Variants in OR56A3 observed in about 807,000 individuals in gnomAD.
The protein encoded by OR56A3 is olfactory receptor 56A3.
A neutral mutation model predicts 17.5 loss-of-function variants in OR56A3; 23 were observed. That is an observed-to-expected ratio of 1.32 (90% CI 0.95 to 1.87). The LOEUF (loss-of-function observed/expected upper bound fraction) is 1.87. Among genes scored for constraint, OR56A3 ranks in the 40% most tolerant of loss-of-function variants. The probability of loss-of-function intolerance (pLI) is 0.00; values close to 1 mark genes in which losing one functional copy is unlikely to be tolerated. For missense variants in OR56A3, 366 were observed against 380.1 expected (o/e 0.96, Z 0.31); for synonymous variants, 175 against 150.6 (o/e 1.16, Z -1.19).
the OR56A3 span, among the ~76,000 whole-genome samples, chr11:5,961,752 TAAAAAA>T: frequency 7.4e-6 from 1 of 134,480 alleles, no homozygotes; most frequent in South Asian, 2.5e-4. Flanking sequence ...AATAAATACT[TAAAAAA>T]AAAAAAAAAA....
At chr11:6,001,231 T>G in the OR56A3 span, 1 of 152,210 alleles carries the variant, frequency 6.6e-6, no homozygotes, top group African/African-American at 2.4e-5. Context: ...GGATGGCTCA[T>G]TTGTGCCTAG....
the OR56A3 span, chr11:5,968,610 A>G: frequency 3.8e-6 from 3 of 791,556 alleles, no homozygotes; most frequent in African/African-American, 3.5e-5. Flanking sequence ...AATTTATAAA[A>G]TGTATGAGAT....
At chr11:5,986,059 T>C in the OR56A3 span, 1 of 1,613,936 alleles carries the variant, frequency 6.2e-7, no homozygotes, top group Non-Finnish European at 8.5e-7. Flanking sequence ...CAGAAGAACA[T>C]GGACATGATG....
chr11:5,986,164 A>G, the OR56A3 span: 5 of 1,613,866 alleles, frequency 3.1e-6, no homozygotes, highest in Middle Eastern at 1.7e-4. Context: ...ACATGTGCTA[A>G]ACGCCTTAAG....
At chr11:5,964,465 G>A in the OR56A3 span, among the ~76,000 whole-genome samples, 1 of 152,146 alleles carries the variant, frequency 6.6e-6, no homozygotes, top group South Asian at 2.1e-4. Flanking sequence ...AAGACCTGGG[G>A]GTACTCTAAG....
At position 5,951,121 on chromosome 11, in the gene OR56A3, T is replaced by C. The variant is rs1847905247; in HGVS notation, c.*2827T>C. On this transcript the variant is annotated 3_prime_UTR_variant, in exon 3 of 3. Coordinates refer to ENST00000641160, the MANE Select transcript of OR56A3 (RefSeq NM_001003443.3). ...GAGAAGATTTATTTTTAAAAGAAGT[T>C]TTAGTTACTGGGTTTTTAAGACATA... The C allele has an allele frequency of 6.6e-6, 1 of 152,104 alleles. No individual in the cohort carries two copies. Among genetic ancestry groups the C allele is most frequent in the Admixed American group, 6.6e-5 (1 of 15,266 alleles). 9.4% of individuals were successfully genotyped at this position (152,104 alleles called of 1,614,324 possible).
chr11:6,013,425 G>C, the OR56A3 span, among the ~76,000 whole-genome samples: 1 of 152,340 alleles, frequency 6.6e-6, no homozygotes, highest in East Asian at 1.9e-4. Context: ...ATGGGCCCCA[G>C]GCCCAGCTGT....
the OR56A3 span, chr11:5,995,043 G>A: frequency 2.4e-5 from 15 of 634,602 alleles, no homozygotes; most frequent in Admixed American, 1.6e-4. Context: ...CTGAGGCCCC[G>A]GCGCCTGCAT....
At chr11:5,976,285 T>C in the OR56A3 span, among the ~76,000 whole-genome samples, 183 of 144,442 alleles carry the variant, frequency 1.3e-3, no homozygotes, top group Non-Finnish European at 2.2e-3. Flanking sequence ...GAATAGGAAG[T>C]GAAGGGAAGA....
At chr11:6,002,559 G>A in the OR56A3 span, 2 of 1,614,240 alleles carry the variant, frequency 1.2e-6, no homozygotes, top group Non-Finnish European at 8.5e-7. Flanking sequence ...CACGGCCCTA[G>A]CCACAAACTG....
chr11:5,985,011 T>G, the OR56A3 span, among the ~76,000 whole-genome samples: 1,284 of 152,056 alleles, frequency 8.4e-3, 11 homozygotes, highest in African/African-American at 0.03. Context: ...ACCCAGTTCC[T>G]ATTAACAGAA....
chr11:6,004,697 T>A, the OR56A3 span, among the ~76,000 whole-genome samples: 1 of 152,190 alleles, frequency 6.6e-6, no homozygotes, highest in Non-Finnish European at 1.5e-5. Flanking sequence ...TTTCAATATC[T>A]GATTAGGAAA....
At chr11:5,972,780 C>T in the OR56A3 span, among the ~76,000 whole-genome samples, 1 of 152,160 alleles carries the variant, frequency 6.6e-6, no homozygotes, top group African/African-American at 2.4e-5. Flanking sequence ...AGGCGCCTGC[C>T]ACCACGCCCA....
chr11:5,992,796 C>G, the OR56A3 span, among the ~76,000 whole-genome samples: 1 of 152,202 alleles, frequency 6.6e-6, no homozygotes, highest in Admixed American at 6.5e-5. Context: ...AAGCTTCCCA[C>G]TGAAATAACA....
the OR56A3 span, among the ~76,000 whole-genome samples, chr11:5,990,245 A>C: frequency 6.6e-6 from 1 of 152,248 alleles, no homozygotes; most frequent in Non-Finnish European, 1.5e-5. Flanking sequence ...AGATTAAAAA[A>C]TAAATAAGTG....
At chr11:6,020,457 C>T in the OR56A3 span, 1 of 151,968 alleles carries the variant, frequency 6.6e-6, no homozygotes, top group East Asian at 1.9e-4. Flanking sequence ...GATGTCTGTC[C>T]ATTAGTTTGT....
chr11:5,970,930 CTT>C, the OR56A3 span, among the ~76,000 whole-genome samples: 1 of 152,050 alleles, frequency 6.6e-6, no homozygotes, highest in Admixed American at 6.6e-5. Flanking sequence ...AGGCTGTTGA[CTT>C]TTAAAGACTG....
At chr11:5,961,379 GA>G in the OR56A3 span, among the ~76,000 whole-genome samples, 2 of 152,210 alleles carry the variant, frequency 1.3e-5, no homozygotes, top group African/African-American at 4.8e-5. Context: ...GTAGACATAG[GA>G]GACTCCATTT....
At chr11:5,999,219 A>G in the OR56A3 span, among the ~76,000 whole-genome samples, 2 of 152,042 alleles carry the variant, frequency 1.3e-5, no homozygotes, top group Admixed American at 1.3e-4. Context: ...AAAGAGGAGG[A>G]CTCAAATTCC....
Sources: gnomAD v4.1 joint callset for allele counts (sites outside exome capture counted in the v4.1 genomes callset) on GRCh38, gnomAD v4.1.1 for gene constraint, MANE v1.5 for transcripts, NCBI Gene and HGNC (gene_info 2026-07-23, HGNC 2026-07-21) for gene names.